The following VAC14 variants were observed in gnomAD, a reference collection of about 807,000 sequenced individuals.
VAC14 encodes the protein protein VAC14 homolog.
A neutral mutation model predicts 85.3 loss-of-function variants in VAC14; 47 were observed. The observed-to-expected ratio is 0.55, with a 90% CI of 0.44 to 0.70. The LOEUF (loss-of-function observed/expected upper bound fraction) is 0.70, where lower values mean the gene tolerates loss of function less well. Among genes scored for constraint, VAC14 ranks in the 30% least tolerant of loss-of-function variants. VAC14 has a pLI of 0.00. For missense variants in VAC14, 861 were observed against 1,004.3 expected, an observed-to-expected ratio of 0.86 and a Z score of 1.93; for synonymous variants, 447 against 430.5, an observed-to-expected ratio of 1.04 and a Z score of -0.47.
rs1023644041 is a variant in VAC14, at chr16:70,762,171, G to A, written c.1371+369C>T. On this transcript the variant is annotated intron_variant, in intron 12 of 18. Transcript: ENST00000261776. The surrounding 1 kb of genome is among the most constrained non-coding windows in gnomAD (Gnocchi z 4.1). ...CGCCCAAGCTGGAGTGCAGTGGCAC[G>A]ATCTCTGCTCACTGCAACCTCTGCC... Among the ~76,000 whole-genome samples the A allele has an allele frequency of 6.6e-6, 1 of 151,948 alleles. No individual in the cohort carries two copies. Among genetic ancestry groups the A allele is most frequent in the Admixed American group, 6.6e-5 (1 of 15,264 alleles).
chr16:70,710,489 G>C (rs960026454), intron 14 of VAC14, among the ~76,000 whole-genome samples: 1 of 152,240 alleles, frequency 6.6e-6, no homozygotes, highest in Non-Finnish European at 1.5e-5. Context: ...GCTGGGACCC[G>C]AGTAAGGTGG....
At chr16:70,692,461 G>A (rs1446783729) in intron 18 of VAC14, among the ~76,000 whole-genome samples, 1 of 152,096 alleles carries the variant, frequency 6.6e-6, no homozygotes, top group East Asian at 1.9e-4. Flanking sequence ...GCTGGGGCAG[G>A]AACTCCTCCC....
At chr16:70,771,546 T>C (rs2033223303) in intron 10 of VAC14, 1 of 152,166 alleles carries the variant, frequency 6.6e-6, no homozygotes, top group African/African-American at 2.4e-5. Flanking sequence ...TAATTTTTTT[T>C]TAATATTTAA....
intron 14 of VAC14, 124 bp from the exon 15 acceptor site, chr16:70,698,935 TG>T: frequency 1.8e-6 from 1 of 567,684 alleles, no homozygotes; most frequent in Non-Finnish European, 2.7e-6. Context: ...GAGGCCAGTG[TG>T]GAGCCATGAC....
intron 14 of VAC14, among the ~76,000 whole-genome samples, chr16:70,722,319 A>G (rs2054314302): frequency 6.6e-6 from 1 of 152,156 alleles, no homozygotes; most frequent in Non-Finnish European, 1.5e-5. Context: ...ATTCTGTGCC[A>G]TGGGTCCCCC....
intron 9 of VAC14, among the ~76,000 whole-genome samples, chr16:70,779,935 T>C (rs917679570): frequency 7.9e-5 from 12 of 152,024 alleles, no homozygotes; most frequent in African/African-American, 2.7e-4. Flanking sequence ...CCTGGGCTCC[T>C]GGGCTCAAGT....
intron 13 of VAC14, among the ~76,000 whole-genome samples, chr16:70,731,956 G>C (rs1362548150): frequency 1.3e-5 from 2 of 152,012 alleles, no homozygotes; most frequent in Non-Finnish European, 2.9e-5. Flanking sequence ...GACCCTGCTA[G>C]GTGCCATGAT....
At chr16:70,784,891 T>G in intron 3 of VAC14, 53 bp from the exon 4 acceptor site, 312 of 1,530,968 alleles carry the variant, frequency 2.0e-4, no homozygotes, top group Middle Eastern at 3.4e-4. Context: ...CACGGTTGGA[T>G]GCAAGACCAG....
At chr16:70,721,408 G>C (rs899425955) in intron 14 of VAC14, among the ~76,000 whole-genome samples, 1 of 151,910 alleles carries the variant, frequency 6.6e-6, no homozygotes, top group Non-Finnish European at 1.5e-5. Flanking sequence ...AGGTGGGGAA[G>C]GAAAAAGGAG....
chr16:70,754,070 G>C (rs1375327237), intron 12 of VAC14, among the ~76,000 whole-genome samples: 1 of 152,162 alleles, frequency 6.6e-6, no homozygotes, highest in Non-Finnish European at 1.5e-5. Context: ...CCCAGCTCTG[G>C]GTCCTCACTG....
chr16:70,767,909 G>A (rs548034618), intron 10 of VAC14, among the ~76,000 whole-genome samples: 5 of 152,268 alleles, frequency 3.3e-5, no homozygotes, highest in Admixed American at 3.3e-4. Context: ...TATTGAGACA[G>A]GGTCTTGCTC....
intron 1 of VAC14, among the ~76,000 whole-genome samples, chr16:70,786,851 GAAGC>G (rs2034085176): frequency 6.6e-6 from 1 of 152,214 alleles, no homozygotes; most frequent in Non-Finnish European, 1.5e-5. Flanking sequence ...TGATATCACA[GAAGC>G]AAGAAAAGGC....
intron 1 of VAC14, 98 bp downstream of exon 1, chr16:70,800,699 T>A: frequency 1.8e-6 from 2 of 1,106,136 alleles, no homozygotes; most frequent in Non-Finnish European, 2.6e-6. Flanking sequence ...GCCTAAAACC[T>A]GGGAAAGTAA....
intron 12 of VAC14, chr16:70,747,248 T>C (rs1181014588): frequency 6.6e-6 from 1 of 151,868 alleles, no homozygotes; most frequent in Non-Finnish European, 1.5e-5. Context: ...ATGACTCCAT[T>C]AACAGGCAAA....
chr16:70,748,189 A>C (rs939657259), intron 12 of VAC14, among the ~76,000 whole-genome samples: 1 of 152,242 alleles, frequency 6.6e-6, no homozygotes, highest in Non-Finnish European at 1.5e-5. Flanking sequence ...CAGTCCTGAC[A>C]TCCAATCCTG....
At chr16:70,783,231 C>T (rs2033894810) in intron 6 of VAC14, 92 bp from the exon 7 acceptor site, 1 of 1,378,808 alleles carries the variant, frequency 7.3e-7, no homozygotes. Flanking sequence ...GGGTCAGCCA[C>T]CCAGAGGGCG....
At chr16:70,784,290 G>C in intron 4 of VAC14, 70 bp from the exon 5 acceptor site, 1 of 1,335,634 alleles carries the variant, frequency 7.5e-7, no homozygotes, top group Non-Finnish European at 1.1e-6. Flanking sequence ...TGAATCACTT[G>C]CCCAGGGCTG....
At chr16:70,774,642 A>G (rs528252749) in intron 9 of VAC14, among the ~76,000 whole-genome samples, 10 of 152,012 alleles carry the variant, frequency 6.6e-5, no homozygotes, top group African/African-American at 2.2e-4. Flanking sequence ...TTACTGTGGA[A>G]TTTGCCTGAT....
chr16:70,692,802 G>A lies in VAC14; in HGVS notation c.2186+19C>T. 1 of 1,590,212 alleles carries A rather than the reference G, an allele frequency of 6.3e-7. No homozygotes were observed. Among genetic ancestry groups the A allele is most frequent in the Non-Finnish European group, 8.5e-7 (1 of 1,171,776 alleles). ...CCCTGCTCAGGGGGCGGGGGCAGCAGTCCCCAGCCGGCACTCACTCGGTCT... is the reference window on the plus strand; with the variant it reads ...CCCTGCTCAGGGGGCGGGGGCAGCAATCCCCAGCCGGCACTCACTCGGTCT... On this transcript the variant is annotated intron_variant, in intron 18 of 18. Coordinates refer to ENST00000261776, the MANE Select transcript of VAC14 (RefSeq NM_018052.5).
Sources: gnomAD v4.1 joint callset for allele counts (sites outside exome capture counted in the v4.1 genomes callset) on GRCh38, gnomAD v4.1.1 for gene constraint, Gnocchi (gnomAD v3.1) non-coding constraint, MANE v1.5 for transcripts, NCBI Gene and HGNC (gene_info 2026-07-23, HGNC 2026-07-21) for gene names.